Variants in SPEF2 observed in about 807,000 individuals in gnomAD.
SPEF2 encodes the protein sperm flagella and cilia-associated protein 2.
A neutral mutation model predicts 224.6 loss-of-function variants in SPEF2; 187 were observed. The ratio of observed to expected loss-of-function variants is 0.83; its 90% CI spans 0.74 to 0.94. The LOEUF is 0.94. Among genes scored for constraint, SPEF2 ranks in the 40% least tolerant of loss-of-function variants. SPEF2 has a pLI of 0.00. For missense variants in SPEF2, 2,170 were observed against 2,135.6 expected (o/e 1.02, Z -0.32); for synonymous variants, 715 against 707.3 (o/e 1.01, Z -0.17).
chr5:35,777,014 G>A (rs954914374), intron 29 of SPEF2, among the ~76,000 whole-genome samples: 6 of 152,168 alleles, frequency 3.9e-5, no homozygotes, highest in African/African-American at 1.4e-4. Context: ...CAAATTAGTA[G>A]CATGCTTGAT....
intron 9 of SPEF2, 40 bp from the exon 10 acceptor site, chr5:35,670,019 C>G (rs375126521): frequency 2.1e-6 from 3 of 1,457,872 alleles, no homozygotes; most frequent in Middle Eastern, 1.8e-4. Context: ...CTATATTTGA[C>G]TAACCATTGA....
chr5:35,666,454 A>G (rs757825079), intron 8 of SPEF2, among the ~76,000 whole-genome samples: 1 of 151,854 alleles, frequency 6.6e-6, no homozygotes, highest in Non-Finnish European at 1.5e-5. Context: ...TGCTTTCTAC[A>G]TAAATAGATG....
intron 33 of SPEF2, among the ~76,000 whole-genome samples, chr5:35,797,071 A>G (rs1270173344): frequency 6.6e-6 from 1 of 152,216 alleles, no homozygotes; most frequent in African/African-American, 2.4e-5. Flanking sequence ...GGCAGTTTGA[A>G]TATTATGCCA....
intron 30 of SPEF2, among the ~76,000 whole-genome samples, chr5:35,792,007 A>G (rs1756028941): frequency 6.6e-6 from 1 of 152,092 alleles, no homozygotes; most frequent in Non-Finnish European, 1.5e-5. Flanking sequence ...CCTTAAAATC[A>G]TATATATTTT....
intron 25 of SPEF2, among the ~76,000 whole-genome samples, chr5:35,760,334 G>T (rs1751070910): frequency 6.8e-6 from 1 of 147,234 alleles, no homozygotes; most frequent in Admixed American, 6.9e-5. Context: ...CCGCACTCCA[G>T]CCTGGGCGAC....
intron 20 of SPEF2, among the ~76,000 whole-genome samples, chr5:35,716,651 A>C (rs896909875): frequency 4.6e-5 from 7 of 152,196 alleles, no homozygotes; most frequent in Admixed American, 2.6e-4. Flanking sequence ...TAATATTTGA[A>C]ATATGTGAAC....
At chr5:35,649,690 CAT>C (rs1554020100) in intron 6 of SPEF2, among the ~76,000 whole-genome samples, 1 of 152,210 alleles carries the variant, frequency 6.6e-6, no homozygotes, top group Non-Finnish European at 1.5e-5. Context: ...TAAGTTCACA[CAT>C]ATTTTTTAAA....
At chr5:35,629,379 G>A (rs767829850) in intron 2 of SPEF2, among the ~76,000 whole-genome samples, 13 of 151,448 alleles carry the variant, frequency 8.6e-5, no homozygotes, top group Admixed American at 5.9e-4. Flanking sequence ...GGATGGTCTC[G>A]ATCTCCTGAC....
In SPEF2 at chr5:35,814,548, A is replaced by C; in HGVS notation, c.5464A>C (p.Lys1822Gln). The part of the protein sequence containing the change: ...RSPSRHTEEK[K>Q] Reference sequence around the variant, plus strand: ...ACCTTCAAGACATACAGAGGAAAAGAAATGAAGACAAAAGAGTGTGATTTT... The same window carrying C: ...ACCTTCAAGACATACAGAGGAAAAGCAATGAAGACAAAAGAGTGTGATTTT... The change falls in exon 37 of 37, where the codon AAA (lysine) becomes CAA (glutamine). Residue 1822 changes from lysine (K) to glutamine (Q), a missense_variant. By Grantham distance (53) the Lys-to-Gln change is moderately conservative. Transcript: ENST00000356031. The C allele has an allele frequency of 6.3e-7, 1 of 1,592,524 alleles. No homozygotes were observed. Among genetic ancestry groups the C allele is most frequent in the Non-Finnish European group, 8.6e-7 (1 of 1,167,402 alleles).
At chr5:35,753,851 A>T (rs1334977031) in intron 24 of SPEF2, 90 bp downstream of exon 24, 1 of 1,497,002 alleles carries the variant, frequency 6.7e-7, no homozygotes, top group Non-Finnish European at 9.2e-7. Context: ...GGAATATGAG[A>T]GGTCTGTTCA....
chr5:35,618,184 C>A, intron 1 of SPEF2, 129 bp downstream of exon 1: 1 of 973,106 alleles, frequency 1.0e-6, no homozygotes. Context: ...CCTGCGTAGC[C>A]GGCAGCATCC....
intron 13 of SPEF2, among the ~76,000 whole-genome samples, 193 bp downstream of exon 13, chr5:35,694,556 T>C (rs1311131286): frequency 6.6e-6 from 1 of 152,128 alleles, no homozygotes; most frequent in Non-Finnish European, 1.5e-5. Context: ...AAGATGAAAA[T>C]TACAAGGCAA....
intron 19 of SPEF2, chr5:35,709,510 G>C (rs890642972): frequency 1.0e-6 from 1 of 990,616 alleles, no homozygotes. Context: ...AATGAGTATA[G>C]CTGGTTTTCC....
At chr5:35,654,807 T>G in intron 7 of SPEF2, 81 bp downstream of exon 7, 1 of 1,236,626 alleles carries the variant, frequency 8.1e-7, no homozygotes, top group Non-Finnish European at 1.1e-6. Flanking sequence ...ATATGTAGTT[T>G]ATATATGTAT....
chr5:35,774,671 A>T (rs901843862), intron 28 of SPEF2, among the ~76,000 whole-genome samples: 1 of 152,230 alleles, frequency 6.6e-6, no homozygotes, highest in Non-Finnish European at 1.5e-5. Context: ...AAGGGAAAAA[A>T]ACACGGTCAA....
rs953148663 is a variant in SPEF2, at chr5:35,653,735, A to G, written c.792-805A>G. Among the ~76,000 whole-genome samples the G allele has an allele frequency of 3.9e-5, 6 of 152,220 alleles. 1 individual carries two copies. ...GCCGAGGCAGGCAGATTATGAGGTC[A>G]GGAGTTCGAGACCAGCCTGACCAGC... On this transcript the variant is annotated intron_variant, in intron 6 of 36. Transcript: ENST00000356031.
intron 23 of SPEF2, among the ~76,000 whole-genome samples, chr5:35,741,369 T>C (rs901443040): frequency 5.9e-5 from 9 of 152,104 alleles, no homozygotes; most frequent in African/African-American, 2.2e-4. Context: ...AAAGGGTGTA[T>C]GAAGCACATA....
chr5:35,630,375 G>T (rs1224721316), intron 2 of SPEF2, among the ~76,000 whole-genome samples: 1 of 152,174 alleles, frequency 6.6e-6, no homozygotes, highest in African/African-American at 2.4e-5. Flanking sequence ...CTCCATGAGG[G>T]CTCCATGCCT....
chr5:35,691,185 T>C lies in SPEF2; in HGVS notation c.1673T>C (p.Phe558Ser). The change falls in exon 11 of 37, where the codon TTT becomes TCT. Residue 558 changes from phenylalanine to serine, a missense_variant. Phe to Ser is a radical substitution (Grantham distance 155, BLOSUM62 -2). Transcript: ENST00000356031. ...AESTTPELPS[F>S]AVKGCLLGKT... is the part of the protein sequence containing the mutation. ...TCAACAACACCTGAATTACCTTCATTTGCTGTTAAAGGATGCTTATTGGGG... is the reference window on the plus strand; with the variant it reads ...TCAACAACACCTGAATTACCTTCATCTGCTGTTAAAGGATGCTTATTGGGG... 1 of 1,614,068 alleles carries C rather than the reference T, an allele frequency of 6.2e-7. No individual in the cohort carries two copies. The highest frequency in any genetic ancestry group is 1.7e-5 in the Admixed American group (1 of 60,002).
Sources: allele counts gnomAD v4.1 joint callset (sites outside exome capture counted in the v4.1 genomes callset), GRCh38; gene constraint gnomAD v4.1.1; transcripts MANE v1.5; gene names NCBI Gene and HGNC (gene_info 2026-07-23, HGNC 2026-07-21).